ADGRD2: variants seen among roughly 807,000 people sequenced by gnomAD.
ADGRD2 encodes the protein G protein-coupled receptor PGR24.
A neutral mutation model predicts 44.4 loss-of-function variants in ADGRD2; 71 were observed. The ratio of observed to expected loss-of-function variants is 1.60; its 90% confidence interval spans 1.32 to 1.95. The LOEUF is 1.95. ADGRD2 is among the 30% of genes most tolerant of loss of function. The pLI, the probability that ADGRD2 is intolerant of heterozygous loss-of-function variation, is 0.00. For synonymous variants in ADGRD2, 481 were observed against 224.8 expected (o/e 2.14, Z -10.19); for missense variants, 1,039 against 512.4 (o/e 2.03, Z -9.92).
chr9:124,451,999 C>CGGGGGGGGGGGG, upstream of ADGRD2: 1 of 340,010 alleles, frequency 2.9e-6, no homozygotes, highest in East Asian at 1.0e-4. Flanking sequence ...CACTGAATGC[C>CGGGGGGGGGGGG]CCCCTCCCAC....
chr9:124,477,189 G>A lies in ADGRD2; in HGVS notation c.*18+480G>A, dbSNP rs1832065700. 3.5e-5 allele frequency: 14 copies of A among 402,014 alleles called. 1 individual carries two copies. Among genetic ancestry groups the A allele is most frequent in the South Asian group, 2.4e-4 (13 of 53,580 alleles). 24.9% of individuals were successfully genotyped at this position (402,014 alleles called of 1,614,324 possible). ...GTCACCAGCTGGACAGCTGATGGGG[G>A]CATGACGGGGGCTGAGCAGTGGCAG... On this transcript the variant is annotated intron_variant, in intron 21 of 21. Transcript: ENST00000334810.
chr9:124,457,167 T>G (rs1831632945), intron 7 of ADGRD2, among the ~76,000 whole-genome samples: 1 of 152,234 alleles, frequency 6.6e-6, no homozygotes, highest in African/African-American at 2.4e-5. Context: ...GTAGCCTGAA[T>G]GGGGGTGCAC....
rs780778920 is a variant in ADGRD2 at position 124,470,504 on chromosome 9, A to T, written c.2650A>T (p.Lys884Ter). ...CCTGCCCTCCTACAGGGCCACGGTG[A>T]AGCCCGTGCTGGTCCTGCTGCCCGT... is the stretch of plus-strand genomic sequence containing the variant. Residue 884 changes from lysine to a stop codon, truncating the protein, a stop_gained, in exon 17 of 22, where the codon AAG becomes TAG. Coordinates refer to ENST00000334810, the Ensembl canonical transcript of ADGRD2. LOFTEE classifies it high-confidence loss of function. The T allele has an allele frequency of 1.1e-5, 8 of 710,636 alleles. No individual in the cohort carries two copies. Among genetic ancestry groups the T allele is most frequent in the Non-Finnish European group, 2.1e-5 (8 of 384,726 alleles). The allele number at this position is 710,636 out of a possible 1,614,324, so 44.0% of individuals were successfully genotyped here.
In ADGRD2 at chr9:124,469,374, G is replaced by C. The variant is rs969884402; in HGVS notation, c.2521+19G>C. ...GCTGACTGTGAGCTGGGGACCTGCAGGGGAGGGGCGTGTTGGGGATGGGGA... is the reference window on the plus strand; with the variant it reads ...GCTGACTGTGAGCTGGGGACCTGCACGGGAGGGGCGTGTTGGGGATGGGGA... On this transcript the variant is annotated intron_variant, in intron 15 of 21. Transcript: ENST00000334810. 5.6e-6 allele frequency: 4 copies of C among 718,218 alleles called. No individual in the cohort carries two copies. The highest frequency in any genetic ancestry group is 5.2e-5 in the African/African-American group (3 of 57,268). 44.5% of individuals were successfully genotyped at this position (718,218 alleles called of 1,614,324 possible).
rs995942181 is a variant in ADGRD2 at position 124,457,431 on chromosome 9, C to T, written c.1506-41C>T. 3 of 550,182 alleles carry T rather than the reference C, an allele frequency of 5.5e-6. No homozygotes were observed. In the African/African-American group the frequency reaches 5.6e-5, roughly 10 times the overall value. The allele number at this position is 550,182 out of a possible 1,614,324, so 34.1% of individuals were successfully genotyped here. The stretch of plus-strand genomic sequence containing the variant: ...AGCTGGGCCTGCTCAGCAGAAAGAC[C>T]TCACTCCGAGGTCCAGCCACCCAGC... On this transcript the variant is annotated intron_variant, in intron 7 of 21. Transcript: ENST00000334810.
chr9:124,474,383 G>C lies in ADGRD2; in HGVS notation c.2759-1063G>C, dbSNP rs529925334. On this transcript the variant is annotated intron_variant, in intron 17 of 21. Coordinates refer to ENST00000334810, the Ensembl canonical transcript of ADGRD2. ...GTGTTCTTGGGTTCGCATTTGGAAAGATGCCTTTGGGTGGTAAGGAGTGGG... is the reference window on the plus strand; with the variant it reads ...GTGTTCTTGGGTTCGCATTTGGAAACATGCCTTTGGGTGGTAAGGAGTGGG... 4.6e-5 allele frequency among the ~76,000 whole-genome samples: 7 copies of C among 152,026 alleles called. No homozygotes were observed. The East Asian group carries it at 1.4e-3, about 29-fold the overall frequency.
rs535238152 is a variant in ADGRD2 at position 124,472,009 on chromosome 9, T to C, written c.2758+1395T>C. 2.0e-5 allele frequency among the ~76,000 whole-genome samples: 3 copies of C among 152,218 alleles called. No homozygotes were observed. In the East Asian group the frequency reaches 5.8e-4, roughly 29 times the overall value. On this transcript the variant is annotated intron_variant, in intron 17 of 21. Coordinates refer to ENST00000334810, the Ensembl canonical transcript of ADGRD2. ...TCACACGGTGGGGCAGGTGGTGGCA[T>C]CTTGTTGCCATGGCGATTCCTCCAG... is the stretch of plus-strand genomic sequence containing the variant.
At chr9:124,478,324 A>C (rs1264891462) in exon 22 of ADGRD2, 4 of 152,308 alleles carry the variant, frequency 2.6e-5, no homozygotes, top group Non-Finnish European at 4.4e-5. Flanking sequence ...AACCCTGCCC[A>C]GCTCAGCTCT....
chr9:124,477,845 C>G (rs1445365876), intron 21 of ADGRD2, among the ~76,000 whole-genome samples: 1 of 149,636 alleles, frequency 6.7e-6, no homozygotes, highest in Non-Finnish European at 1.5e-5. Flanking sequence ...GCTGCAGGAA[C>G]AAGAGAGCGG....
At position 124,468,548 on chromosome 9, in the gene ADGRD2, G is replaced by A. The variant is rs113085796; in HGVS notation, c.2265G>A (p.Met755Ile). ...CATGTGTGGCTGTCACAGTCGCAAT[G>A]CACTTCCTCTTTCTGGTGGCATTCT... Residue 755 changes from methionine to isoleucine, a missense_variant, in exon 14 of 22, where the codon ATG becomes ATA. Transcript: ENST00000334810. The A allele has an allele frequency of 2.2e-3, 1,569 of 718,636 alleles. 15 individuals carry two copies. In the African/African-American group the frequency reaches 0.025, roughly 11 times the overall value. 44.5% of individuals were successfully genotyped at this position (718,636 alleles called of 1,614,324 possible). A position where few individuals can be genotyped will look rare whatever the true frequency, so the allele number is the denominator to read the frequency against.
Position 124,476,722 on chromosome 9 carries a change from C to A in ADGRD2, c.*18+13C>A. On this transcript the variant is annotated intron_variant, in intron 21 of 21. Transcript: ENST00000334810. The stretch of plus-strand genomic sequence containing the variant: ...TTCAAAGCTTCAGGTACAGTCCCCA[C>A]CTCACGGGGTCCCCTCTTTTCTTTT... 1 of 700,300 alleles carries A rather than the reference C, an allele frequency of 1.4e-6. No individual in the cohort carries two copies. Among genetic ancestry groups the A allele is most frequent in the Non-Finnish European group, 2.6e-6 (1 of 383,282 alleles). The allele number at this position is 700,300 out of a possible 1,614,324, so 43.4% of individuals were successfully genotyped here. A position where few individuals can be genotyped will look rare whatever the true frequency, so the allele number is the denominator to read the frequency against.
chr9:124,460,085 GAC>G (rs3983851), intron 10 of ADGRD2, among the ~76,000 whole-genome samples: 9,933 of 150,002 alleles, frequency 0.066, 638 homozygotes, highest in East Asian at 0.18. Context: ...AGTAATCTTG[GAC>G]ACACACACAC....
At chr9:124,468,799 G>A (rs548959809) in intron 14 of ADGRD2, 127 bp downstream of exon 17, 27 of 615,294 alleles carry the variant, frequency 4.4e-5, no homozygotes, top group Admixed American at 2.2e-4. Flanking sequence ...GGCATTTAGC[G>A]TCACCCAGAA....
intron 11 of ADGRD2, chr9:124,467,218 A>T (rs2131249642): frequency 6.5e-6 from 1 of 154,424 alleles, no homozygotes; most frequent in Admixed American, 6.4e-5. Context: ...CTGTGGTCCC[A>T]GCTACTCGGG....
intron 10 of ADGRD2, 21 bp from the exon 14 acceptor site, chr9:124,466,237 C>A: frequency 6.7e-6 from 4 of 598,306 alleles, no homozygotes; most frequent in Non-Finnish European, 1.3e-5. Flanking sequence ...CCCCTCACCC[C>A]CTTGTCCACC....
intron 10 of ADGRD2, among the ~76,000 whole-genome samples, chr9:124,460,511 C>G (rs571730107): frequency 1.3e-5 from 2 of 151,108 alleles, no homozygotes; most frequent in South Asian, 4.2e-4. Context: ...AGCCACCACA[C>G]CTGGCCCTGT....
chr9:124,470,455 G>A, intron 16 of ADGRD2, 39 bp from the exon 20 acceptor site: 1 of 697,460 alleles, frequency 1.4e-6, no homozygotes, highest in Non-Finnish European at 2.6e-6. Context: ...AGCTCCCCAG[G>A]CCTCCCAACC....
At chr9:124,474,300 A>G (rs978870246) in intron 17 of ADGRD2, among the ~76,000 whole-genome samples, 2 of 135,380 alleles carry the variant, frequency 1.5e-5, no homozygotes, top group Admixed American at 7.5e-5. Flanking sequence ...AAAAAAAAAG[A>G]GCTCAGATTT....
At chr9:124,459,179 T>C (rs1168193046) in intron 10 of ADGRD2, among the ~76,000 whole-genome samples, 1 of 152,178 alleles carries the variant, frequency 6.6e-6, no homozygotes, top group Non-Finnish European at 1.5e-5. Flanking sequence ...TAAATGTCCA[T>C]CAGTAGGGGA....
Sources: allele counts gnomAD v4.1 joint callset (sites outside exome capture counted in the v4.1 genomes callset), GRCh38; gene constraint gnomAD v4.1.1; transcripts MANE v1.5; gene names NCBI Gene and HGNC (gene_info 2026-07-23, HGNC 2026-07-21).